Variants in UBR3 observed in about 807,000 individuals in gnomAD.
The protein encoded by UBR3 is ubiquitin protein ligase E3 component n-recognin 3, also known as E3 ubiquitin-protein ligase UBR3.
UBR3 carries 85 observed loss-of-function variants against 243.2 expected under a neutral mutation model. The ratio of observed to expected loss-of-function variants is 0.35; its 90% CI spans 0.29 to 0.42. The LOEUF is 0.42. Among genes scored for constraint, UBR3 ranks in the 10% least tolerant of loss-of-function variants. UBR3 has a pLI of 1.00. For missense variants in UBR3, 1,686 were observed against 2,300.8 expected, an observed-to-expected ratio of 0.73 and a Z score of 5.47; for synonymous variants, 748 against 799.8, an observed-to-expected ratio of 0.94 and a Z score of 1.09.
At chr2:169,890,547 A>ACACATATATATGTG (rs2084303681) in intron 5 of UBR3, among the ~76,000 whole-genome samples, 1 of 23,102 alleles carries the variant, frequency 4.3e-5, no homozygotes, top group African/African-American at 8.3e-5. Context: ...AGAGATATAT[A>ACACATATATATGTG]TATATATATA....
chr2:169,995,075 A>G (rs1263527670), intron 26 of UBR3, among the ~76,000 whole-genome samples: 12 of 152,184 alleles, frequency 7.9e-5, no homozygotes, highest in African/African-American at 2.9e-4. Flanking sequence ...TGAAATAATG[A>G]AAACATATTA....
At chr2:169,970,434 A>C (rs2088073250) in intron 24 of UBR3, among the ~76,000 whole-genome samples, 1 of 127,100 alleles carries the variant, frequency 7.9e-6, no homozygotes, top group African/African-American at 3.0e-5. Flanking sequence ...CTAACTCGTC[A>C]TCTAGCATTA....
intron 26 of UBR3, 22 bp downstream of exon 26, chr2:169,994,478 G>A (rs780953794): frequency 1.3e-6 from 2 of 1,585,226 alleles, no homozygotes; most frequent in African/African-American, 1.3e-5. Context: ...TTATAAAATA[G>A]TACTTTTGTC....
At position 170,055,759 on chromosome 2, in the gene UBR3, A is replaced by G. The variant is rs114322677; in HGVS notation, c.4785+175A>G. On this transcript the variant is annotated intron_variant, in intron 33 of 38. Coordinates refer to ENST00000272793, the MANE Select transcript of UBR3 (RefSeq NM_172070.4). ...TTTTCACTAAACAATGAGGACTTCT[A>G]TATCTGTCTCTAAACCTCATCCTTT... 5.3e-3 allele frequency among the ~76,000 whole-genome samples: 805 copies of G among 152,326 alleles called. 4 individuals carry two copies. Among genetic ancestry groups the G allele is most frequent in the African/African-American group, 0.018 (753 of 41,578 alleles).
intron 24 of UBR3, among the ~76,000 whole-genome samples, chr2:169,962,682 G>C (rs1370785110): frequency 1.3e-5 from 2 of 151,988 alleles, no homozygotes; most frequent in African/African-American, 4.8e-5. Flanking sequence ...CCTCTCTTCA[G>C]TATCTTGTTC....
intron 29 of UBR3, among the ~76,000 whole-genome samples, chr2:170,013,592 C>T (rs1433026048): frequency 2.0e-5 from 3 of 151,836 alleles, no homozygotes; most frequent in Admixed American, 6.6e-5. Context: ...TAGTTTTTTT[C>T]GAGAATTCTT....
intron 8 of UBR3, among the ~76,000 whole-genome samples, chr2:169,898,928 C>G (rs2084701407): frequency 6.6e-6 from 1 of 151,824 alleles, no homozygotes. Context: ...GTCTCGATAT[C>G]CTAACCTTGT....
intron 32 of UBR3, among the ~76,000 whole-genome samples, chr2:170,051,032 G>C (rs967339302): frequency 1.3e-5 from 2 of 152,024 alleles, no homozygotes; most frequent in Non-Finnish European, 2.9e-5. Context: ...AGATTACTTA[G>C]TACAATATAA....
chr2:169,956,590 T>C (rs1043752428), intron 23 of UBR3, among the ~76,000 whole-genome samples: 1 of 151,670 alleles, frequency 6.6e-6, no homozygotes, highest in African/African-American at 2.4e-5. Context: ...ATAAGGCGAG[T>C]TTTTTATGTG....
chr2:169,876,972 A>G (rs2083642862), intron 3 of UBR3, among the ~76,000 whole-genome samples: 2 of 152,190 alleles, frequency 1.3e-5, no homozygotes, highest in South Asian at 4.1e-4. Flanking sequence ...TTTGTGTTGT[A>G]TCGCCTAGGA....
Position 169,846,363 on chromosome 2 carries a change from C to T in UBR3, c.545+18311C>T, listed in dbSNP as rs1389482913. Among the ~76,000 whole-genome samples, 4 of 152,208 alleles carry T rather than the reference C, an allele frequency of 2.6e-5. No individual in the cohort carries two copies. The East Asian group carries it at 5.8e-4, about 22-fold the overall frequency. ...AGTCTGTTTTGTCTGATATTAATGT[C>T]GTCACCCATATTTCTTTTGATTATT... On this transcript the variant is annotated intron_variant, in intron 1 of 38. Coordinates refer to ENST00000272793, the MANE Select transcript of UBR3 (RefSeq NM_172070.4).
intron 19 of UBR3, among the ~76,000 whole-genome samples, chr2:169,940,054 G>T (rs1385234062): frequency 6.6e-6 from 1 of 151,890 alleles, no homozygotes; most frequent in Non-Finnish European, 1.5e-5. Flanking sequence ...CACAGTATTT[G>T]AAGATACTTC....
intron 24 of UBR3, among the ~76,000 whole-genome samples, chr2:169,966,783 G>A (rs1425642954): frequency 6.6e-6 from 1 of 151,992 alleles, no homozygotes; most frequent in Admixed American, 6.6e-5. Flanking sequence ...AGAATAGAAT[G>A]GTACATAATA....
rs531907371 is a variant in UBR3 at position 169,893,115 on chromosome 2, G to A, written c.1105+1884G>A. On this transcript the variant is annotated intron_variant, in intron 6 of 38. Transcript: ENST00000272793. The stretch of plus-strand genomic sequence containing the variant: ...TTCATAATATTACACAATATAACAC[G>A]TGCTTTAACATCTTGGGAGACTGAC... Among the ~76,000 whole-genome samples the A allele has an allele frequency of 9.9e-5, 15 of 152,266 alleles. No homozygotes were observed. In the East Asian group the frequency reaches 1.7e-3, roughly 18 times the overall value.
chr2:170,074,686 T>G (rs1290833959), intron 36 of UBR3, among the ~76,000 whole-genome samples: 5 of 152,240 alleles, frequency 3.3e-5, no homozygotes, highest in Non-Finnish European at 7.3e-5. Flanking sequence ...TTTGCTAAGA[T>G]AAATGTGACT....
chr2:170,045,964 ATTTTTTTTT>A (rs71006066), intron 32 of UBR3, among the ~76,000 whole-genome samples: 1 of 117,958 alleles, frequency 8.5e-6, no homozygotes. Context: ...CTTCTTGTAA[ATTTTTTTTT>A]TTTTTTTTTT....
chr2:169,995,038 A>G (rs995373631), intron 26 of UBR3, among the ~76,000 whole-genome samples: 2 of 152,186 alleles, frequency 1.3e-5, no homozygotes, highest in African/African-American at 2.4e-5. Context: ...ATGACTGTGA[A>G]CTGGAATAAG....
intron 27 of UBR3, among the ~76,000 whole-genome samples, chr2:170,001,712 GTGGCCACCTGGCCAACC>G (rs1231660934): frequency 7.4e-4 from 112 of 151,814 alleles, no homozygotes; most frequent in African/African-American, 2.6e-3. Context: ...CCTGGCCAAC[GTGGCCACCTGGCCAACC>G]TGGCAAAACC....
At position 169,946,375 on chromosome 2, in the gene UBR3, G is replaced by C; in HGVS notation, c.2893G>C (p.Glu965Gln). 1 of 1,499,140 alleles carries C rather than the reference G, an allele frequency of 6.7e-7. No individual in the cohort carries two copies. Among genetic ancestry groups the C allele is most frequent in the Non-Finnish European group, 8.9e-7 (1 of 1,118,322 alleles). The allele number at this position is 1,499,140 out of a possible 1,614,324, so 92.9% of individuals were successfully genotyped here. ...IELGLENSAE[E>Q]ESDEEASVGG... ...ATTAGGACTTGAAAATTCTGCTGAA[G>C]AAGAATCAGATGAAGAGGTAAGTAG... The change falls in exon 21 of 39, where the codon GAA becomes CAA. Residue 965 changes from glutamate to glutamine, a missense_variant. Transcript: ENST00000272793.
Sources: allele counts gnomAD v4.1 joint callset (sites outside exome capture counted in the v4.1 genomes callset), GRCh38; gene constraint gnomAD v4.1.1; transcripts MANE v1.5; gene names NCBI Gene and HGNC (gene_info 2026-07-23, HGNC 2026-07-21).